SIPA1L1: variants seen among roughly 807,000 people sequenced by gnomAD.
SIPA1L1 encodes signal induced proliferation associated 1 like 1, also known as signal-induced proliferation-associated 1-like protein 1.
Under a neutral mutation model 162.7 loss-of-function variants are expected in SIPA1L1, and 26 were observed. The observed-to-expected ratio is 0.16, with a 90% confidence interval of 0.12 to 0.22. The LOEUF (loss-of-function observed/expected upper bound fraction) is 0.22. Ranked by LOEUF, SIPA1L1 falls within the 10% of genes least tolerant of loss-of-function variation. SIPA1L1 has a pLI of 1.00. For synonymous variants in SIPA1L1, 829 were observed against 837.4 expected (o/e 0.99, Z 0.17); for missense variants, 1,874 against 2,241.0 (o/e 0.84, Z 3.31).
At position 71,419,103 on chromosome 14, in the gene SIPA1L1, A is replaced by G. The variant is rs112801752; in HGVS notation, c.-464-93640A>G. On this transcript the variant is annotated intron_variant, in intron 2 of 23. Transcript: ENST00000381232. ...TCCTGAACCGTTGCTGTCTCAGCAC[A>G]TGACTAGCCTTGAGTTCTGCCTGTA... Among the ~76,000 whole-genome samples, 414 of 152,318 alleles carry G rather than the reference A, an allele frequency of 2.7e-3. 3 individuals are homozygous for G. Among genetic ancestry groups the G allele is most frequent in the African/African-American group, 9.3e-3 (388 of 41,576 alleles).
intron 12 of SIPA1L1, among the ~76,000 whole-genome samples, chr14:71,684,175 T>A (rs1303052209): frequency 1.3e-5 from 2 of 152,190 alleles, no homozygotes; most frequent in African/African-American, 4.8e-5. Context: ...GCAGACGCCA[T>A]TGCTCCTTCT....
At chr14:71,583,443 C>G (rs1459820919) in intron 4 of SIPA1L1, among the ~76,000 whole-genome samples, 1 of 152,174 alleles carries the variant, frequency 6.6e-6, no homozygotes, top group Non-Finnish European at 1.5e-5. Context: ...CTGAGAAGAT[C>G]TCATTTTGGA....
chr14:71,578,402 A>AT (rs1321696946), intron 4 of SIPA1L1, among the ~76,000 whole-genome samples: 1 of 152,064 alleles, frequency 6.6e-6, no homozygotes, highest in Non-Finnish European at 1.5e-5. Flanking sequence ...CTCTTTCTTC[A>AT]TTCGTAAAAT....
intron 2 of SIPA1L1, among the ~76,000 whole-genome samples, chr14:71,506,813 A>C (rs570874079): frequency 1.3e-5 from 2 of 150,278 alleles, no homozygotes; most frequent in Admixed American, 1.3e-4. Context: ...TCTATTTTGT[A>C]ATCTTTTTTT....
chr14:71,661,525 G>GC, intron 10 of SIPA1L1, 58 bp downstream of exon 10: 1 of 1,548,302 alleles, frequency 6.5e-7, no homozygotes. Context: ...TCGCATAGAG[G>GC]CCCCATTCAG....
intron 5 of SIPA1L1, among the ~76,000 whole-genome samples, chr14:71,604,055 G>T (rs1002559586): frequency 6.9e-6 from 1 of 144,594 alleles, no homozygotes. Flanking sequence ...AGAGTGTAGA[G>T]GCCTGATCTC....
intron 2 of SIPA1L1, among the ~76,000 whole-genome samples, chr14:71,435,473 G>T (rs948197577): frequency 6.6e-6 from 1 of 152,096 alleles, no homozygotes; most frequent in South Asian, 2.1e-4. Context: ...ATGGTTTCCA[G>T]CTTCATCCAT....
At chr14:71,609,103 A>G (rs975273194) in intron 5 of SIPA1L1, among the ~76,000 whole-genome samples, 6 of 152,140 alleles carry the variant, frequency 3.9e-5, no homozygotes, top group African/African-American at 1.2e-4. Context: ...TCCTGCTTCT[A>G]TATTGGGCCA....
Position 71,723,630 on chromosome 14 carries a change from G to T in SIPA1L1, c.4209-17G>T, listed in dbSNP as rs1359127958. 6.2e-7 allele frequency: 1 copy of T among 1,613,632 alleles called. No individual in the cohort carries two copies. Among genetic ancestry groups the T allele is most frequent in the East Asian group, 2.2e-5 (1 of 44,868 alleles). On this transcript the variant is annotated splice_polypyrimidine_tract_variant and intron_variant, in intron 17 of 23. Transcript: ENST00000381232. ...ATGATCCTGAGATACACATGTCTTTGCCCTGCTTCTCCTCAGTACCATGAG... is the reference window on the plus strand; with the variant it reads ...ATGATCCTGAGATACACATGTCTTTTCCCTGCTTCTCCTCAGTACCATGAG...
At chr14:71,502,443 G>T (rs1362187907) in intron 2 of SIPA1L1, among the ~76,000 whole-genome samples, 2 of 151,188 alleles carry the variant, frequency 1.3e-5, no homozygotes, top group East Asian at 2.0e-4. Flanking sequence ...TAGAGACAGG[G>T]TCTCACTATG....
chr14:71,492,418 CCTTTT>C (rs2049358263), intron 2 of SIPA1L1, among the ~76,000 whole-genome samples: 1 of 152,104 alleles, frequency 6.6e-6, no homozygotes, highest in Non-Finnish European at 1.5e-5. Flanking sequence ...TTAGTGTGTT[CCTTTT>C]CTTTAAGAAA....
chr14:71,609,853 T>A (rs986686424), intron 5 of SIPA1L1, among the ~76,000 whole-genome samples: 1 of 152,078 alleles, frequency 6.6e-6, no homozygotes, highest in Non-Finnish European at 1.5e-5. Flanking sequence ...TGACCTTGAT[T>A]AGTAAGCCAC....
At chr14:71,657,968 C>T (rs1469830547) in intron 8 of SIPA1L1, among the ~76,000 whole-genome samples, 1 of 152,124 alleles carries the variant, frequency 6.6e-6, no homozygotes, top group Non-Finnish European at 1.5e-5. Context: ...TGTTTGTGCT[C>T]ATCATGTCTT....
chr14:71,446,861 A>G (rs1053876636), intron 2 of SIPA1L1, among the ~76,000 whole-genome samples: 4 of 146,780 alleles, frequency 2.7e-5, no homozygotes, highest in African/African-American at 1.0e-4. Flanking sequence ...AATTGAGTTA[A>G]GTAGATCCTG....
intron 2 of SIPA1L1, among the ~76,000 whole-genome samples, chr14:71,424,158 A>T (rs1156995445): frequency 2.6e-5 from 4 of 152,108 alleles, no homozygotes; most frequent in Non-Finnish European, 2.9e-5. Flanking sequence ...TTCATTTATT[A>T]GTTCTAACAG....
chr14:71,648,805 G>A (rs999780024), intron 7 of SIPA1L1, among the ~76,000 whole-genome samples: 9 of 152,182 alleles, frequency 5.9e-5, no homozygotes, highest in East Asian at 1.9e-4. Context: ...ATGTTGCAGC[G>A]GTTGTCCAAA....
intron 13 of SIPA1L1, among the ~76,000 whole-genome samples, chr14:71,694,231 T>C (rs2081456512): frequency 6.6e-6 from 1 of 152,118 alleles, no homozygotes; most frequent in South Asian, 2.1e-4. Flanking sequence ...AATCCGTGTG[T>C]GTGTGCGTGT....
chr14:71,535,886 A>T (rs1408134200), intron 4 of SIPA1L1, among the ~76,000 whole-genome samples: 1 of 152,222 alleles, frequency 6.6e-6, no homozygotes, highest in Non-Finnish European at 1.5e-5. Context: ...CACGGATTAC[A>T]GGCATGGGCC....
chr14:71,338,873 A>G (rs1381294601), intron 2 of SIPA1L1, among the ~76,000 whole-genome samples: 2 of 151,082 alleles, frequency 1.3e-5, no homozygotes, highest in Non-Finnish European at 3.0e-5. Context: ...CCGAGTAGCT[A>G]GGATTACAGG....
Sources: gnomAD v4.1 joint callset for allele counts (sites outside exome capture counted in the v4.1 genomes callset) on GRCh38, gnomAD v4.1.1 for gene constraint, MANE v1.5 for transcripts, NCBI Gene and HGNC (gene_info 2026-07-23, HGNC 2026-07-21) for gene names.